The following PAPSS1 variants were observed in gnomAD, a reference collection of about 807,000 sequenced individuals.
PAPSS1 encodes the protein 3'-phosphoadenosine 5'-phosphosulfate synthase 1, also known as bifunctional 3'-phosphoadenosine 5'-phosphosulfate synthase 1.
PAPSS1 carries 50 observed loss-of-function variants against 72.0 expected under a neutral mutation model. The observed-to-expected ratio is 0.69, with a 90% confidence interval of 0.55 to 0.88. The LOEUF is 0.88. Among genes scored for constraint, PAPSS1 ranks in the 40% least tolerant of loss-of-function variants. PAPSS1 has a pLI of 0.00. For synonymous variants in PAPSS1, 261 were observed against 263.6 expected, an observed-to-expected ratio of 0.99 and a Z score of 0.09; for missense variants, 657 against 782.2, an observed-to-expected ratio of 0.84 and a Z score of 1.91.
intron 1 of PAPSS1, chr4:107,719,745 T>A: frequency 1.0e-6 from 1 of 997,306 alleles, no homozygotes; most frequent in Non-Finnish European, 1.2e-6. Flanking sequence ...CACTCCAAGG[T>A]ATGCAGGAAG....
chr4:107,661,142 CAAAACA>C (rs1341294261), intron 5 of PAPSS1, among the ~76,000 whole-genome samples: 1 of 152,098 alleles, frequency 6.6e-6, no homozygotes, highest in East Asian at 1.9e-4. Context: ...AATTGCAAAT[CAAAACA>C]AGATAGCACA....
In PAPSS1 at chr4:107,644,872, C is replaced by T. The variant is rs1297881400; in HGVS notation, c.1436G>A (p.Gly479Glu). The T allele has an allele frequency of 1.9e-6, 3 of 1,613,826 alleles. No homozygotes were observed. The Admixed American group carries it at 5.0e-5, about 27-fold the overall frequency. The stretch of plus-strand genomic sequence containing the variant: ...CACTGTCGTCTCAGGATTCAGAACT[C>T]CTTCCTCCAACACTGCAGCATGCTG... ...MKQHAAVLEE[G>E]VLNPETTVVA... The change falls in exon 10 of 12, where the codon GGA becomes GAA. Residue 479 changes from glycine to glutamate, a missense_variant. By Grantham distance (98) the Gly-to-Glu change is moderately conservative. Transcript: ENST00000265174.
At chr4:107,634,796 C>CTT (rs1560566992) in intron 10 of PAPSS1, among the ~76,000 whole-genome samples, 4 of 106,344 alleles carry the variant, frequency 3.8e-5, no homozygotes, top group African/African-American at 1.8e-4. Flanking sequence ...ATATTCTAGA[C>CTT]ATTTTTTTTT....
chr4:107,665,383 A>G (rs565927522), intron 5 of PAPSS1, among the ~76,000 whole-genome samples: 1 of 152,360 alleles, frequency 6.6e-6, no homozygotes, highest in South Asian at 2.1e-4. Context: ...CACATGAGCT[A>G]TCCACTTTAT....
intron 10 of PAPSS1, among the ~76,000 whole-genome samples, chr4:107,632,591 T>C (rs957481721): frequency 5.9e-5 from 9 of 151,986 alleles, no homozygotes; most frequent in African/African-American, 1.7e-4. Flanking sequence ...TCAGGCCTAG[T>C]AAGACCTATT....
At chr4:107,628,939 C>G (rs968147656) in intron 11 of PAPSS1, among the ~76,000 whole-genome samples, 85 of 152,178 alleles carry the variant, frequency 5.6e-4, no homozygotes, top group South Asian at 6.2e-4. Context: ...ACAGAGTGTA[C>G]TACCTATAGA....
At chr4:107,642,607 G>T (rs2110310059) in intron 10 of PAPSS1, among the ~76,000 whole-genome samples, 1 of 152,188 alleles carries the variant, frequency 6.6e-6, no homozygotes, top group South Asian at 2.1e-4. Context: ...AATACAGTAA[G>T]AAATCAATAA....
chr4:107,719,946 C>A, intron 1 of PAPSS1, 174 bp downstream of exon 1: 1 of 1,393,788 alleles, frequency 7.2e-7, no homozygotes, highest in Non-Finnish European at 9.2e-7. Context: ...CGCCGCGCCC[C>A]TCTGCCTCGC....
At chr4:107,657,069 A>G in intron 6 of PAPSS1, 62 bp from the exon 7 acceptor site, 1 of 1,014,724 alleles carries the variant, frequency 9.9e-7, no homozygotes, top group South Asian at 1.3e-5. Flanking sequence ...AAAAGCAGTG[A>G]TGACCTTTAG....
At chr4:107,618,317 A>G (rs544039257) in intron 11 of PAPSS1, among the ~76,000 whole-genome samples, 7 of 152,300 alleles carry the variant, frequency 4.6e-5, no homozygotes, top group Admixed American at 4.6e-4. Context: ...AATAGATGAT[A>G]AAAGAAAGAG....
chr4:107,640,242 A>G (rs1490740478), intron 10 of PAPSS1, among the ~76,000 whole-genome samples: 1 of 152,218 alleles, frequency 6.6e-6, no homozygotes, highest in Admixed American at 6.5e-5. Context: ...CCATTTTAGC[A>G]TTAGAAAGTT....
intron 1 of PAPSS1, among the ~76,000 whole-genome samples, chr4:107,717,591 T>A (rs1231411441): frequency 2.0e-5 from 3 of 152,224 alleles, no homozygotes; most frequent in Admixed American, 6.5e-5. Context: ...TCCAGGGTCC[T>A]GCTTTTAACC....
At position 107,633,889 on chromosome 4, in the gene PAPSS1, G is replaced by A. The variant is rs147336526; in HGVS notation, c.1507-2029C>T. Among the ~76,000 whole-genome samples, 14 of 148,674 alleles carry A rather than the reference G, an allele frequency of 9.4e-5. No homozygotes were observed. The East Asian group carries it at 2.0e-3, about 21-fold the overall frequency. On this transcript the variant is annotated intron_variant, in intron 10 of 11. Coordinates refer to ENST00000265174, the MANE Select transcript of PAPSS1 (RefSeq NM_005443.5). Reference sequence around the variant, plus strand: ...AGCTGAGATAGCACCACTGCAGTCCGGCCTGGGCGAAAGAACGAGACTCCG... The same window carrying A: ...AGCTGAGATAGCACCACTGCAGTCCAGCCTGGGCGAAAGAACGAGACTCCG...
At chr4:107,699,267 CAAA>C (rs568207137) in intron 2 of PAPSS1, among the ~76,000 whole-genome samples, 1 of 134,926 alleles carries the variant, frequency 7.4e-6, no homozygotes, top group Non-Finnish European at 1.6e-5. Flanking sequence ...CACTAAGAGC[CAAA>C]AAAAAAAAGG....
intron 4 of PAPSS1, among the ~76,000 whole-genome samples, chr4:107,683,792 G>A (rs1269183033): frequency 6.6e-6 from 1 of 152,002 alleles, no homozygotes; most frequent in Non-Finnish European, 1.5e-5. Flanking sequence ...GAGGCCCCCT[G>A]AATATACACA....
At chr4:107,673,100 A>C (rs960548752) in intron 5 of PAPSS1, among the ~76,000 whole-genome samples, 11 of 152,188 alleles carry the variant, frequency 7.2e-5, no homozygotes, top group Non-Finnish European at 1.5e-4. Flanking sequence ...ATAAAACCAC[A>C]AAGATGGGGA....
chr4:107,644,702 G>T, intron 10 of PAPSS1, 100 bp downstream of exon 10: 1 of 1,127,758 alleles, frequency 8.9e-7, no homozygotes, highest in Non-Finnish European at 1.2e-6. Flanking sequence ...GTTTGGAACA[G>T]GCCTACAGAG....
In PAPSS1 at chr4:107,620,234, T is replaced by C. The variant is rs943931425; in HGVS notation, c.1737-5847A>G. 9.6e-4 allele frequency among the ~76,000 whole-genome samples: 146 copies of C among 152,352 alleles called. 1 individual carries two copies. The highest frequency in any genetic ancestry group is 3.3e-3 in the African/African-American group (136 of 41,580). Reference sequence around the variant, plus strand: ...TTGATAGGACGAAAAATAATAGTGGTAACTTATAAGTGAATCTGTTTTGAG... The same window carrying C: ...TTGATAGGACGAAAAATAATAGTGGCAACTTATAAGTGAATCTGTTTTGAG... On this transcript the variant is annotated intron_variant, in intron 11 of 11. Transcript: ENST00000265174.
chr4:107,635,330 C>T (rs1045634900), intron 10 of PAPSS1, among the ~76,000 whole-genome samples: 1 of 152,104 alleles, frequency 6.6e-6, no homozygotes, highest in African/African-American at 2.4e-5. Flanking sequence ...AACTTTTATA[C>T]TGTATTTTAT....
Sources: gnomAD v4.1 joint callset for allele counts (sites outside exome capture counted in the v4.1 genomes callset) on GRCh38, gnomAD v4.1.1 for gene constraint, MANE v1.5 for transcripts, NCBI Gene and HGNC (gene_info 2026-07-23, HGNC 2026-07-21) for gene names.